Variants in NECAB1 observed in about 807,000 individuals in gnomAD.
The protein encoded by NECAB1 is N-terminal EF-hand calcium-binding protein 1.
NECAB1 carries 29 observed loss-of-function variants against 57.5 expected under a neutral mutation model. The ratio of observed to expected loss-of-function variants is 0.50; its 90% confidence interval spans 0.38 to 0.69. NECAB1 has a LOEUF of 0.69. Among genes scored for constraint, NECAB1 ranks in the 30% least tolerant of loss-of-function variants. NECAB1 has a pLI of 0.00. For synonymous variants in NECAB1, 142 were observed against 147.7 expected (o/e 0.96, Z 0.28); for missense variants, 372 against 413.8 (o/e 0.90, Z 0.88).
rs573016747 is a variant in NECAB1 at position 90,830,103 on chromosome 8, G to A, written c.233+5278G>A. Among the ~76,000 whole-genome samples, 83 of 152,134 alleles carry A rather than the reference G, an allele frequency of 5.5e-4. 2 individuals are homozygous for A. The highest frequency in any genetic ancestry group is 3.4e-3 in the Middle Eastern group (1 of 294). ...AGTTATCTTTTACACTGCTTAAGTG[G>A]ACATACGCTGTGGGCAGTAGAAAAA... is the stretch of plus-strand genomic sequence containing the variant. On this transcript the variant is annotated intron_variant, in intron 3 of 12. Coordinates refer to ENST00000417640, the MANE Select transcript of NECAB1 (RefSeq NM_022351.5).
intron 2 of NECAB1, among the ~76,000 whole-genome samples, chr8:90,818,469 A>C (rs976241081): frequency 1.3e-5 from 2 of 151,998 alleles, no homozygotes; most frequent in Non-Finnish European, 2.9e-5. Flanking sequence ...TTTGAGAAGG[A>C]CTTTATTTCA....
intron 7 of NECAB1, 140 bp from the exon 8 acceptor site, chr8:90,928,083 C>T (rs7006863): frequency 0.083 from 53,709 of 646,724 alleles, 2,620 homozygotes; most frequent in African/African-American, 0.17. Context: ...AGAAAGCACT[C>T]GTGAATACAT....
chr8:90,870,730 G>A (rs1808608612), intron 3 of NECAB1, among the ~76,000 whole-genome samples: 1 of 152,170 alleles, frequency 6.6e-6, no homozygotes, highest in Non-Finnish European at 1.5e-5. Context: ...CTACCTCTAA[G>A]TTGAGATTCT....
Position 90,958,084 on chromosome 8 carries a change from C to A in NECAB1, c.*2572C>A, listed in dbSNP as rs868858916. 7.3e-6 allele frequency: 1 copy of A among 136,420 alleles called. No individual in the cohort carries two copies. The highest frequency in any genetic ancestry group is 7.4e-5 in the Admixed American group (1 of 13,444). 8.5% of individuals were successfully genotyped at this position (136,420 alleles called of 1,614,324 possible). On this transcript the variant is annotated 3_prime_UTR_variant, in exon 13 of 13. Coordinates refer to ENST00000417640, the MANE Select transcript of NECAB1 (RefSeq NM_022351.5). ...TCAGCAGATTTTTCTGGAAGAAACC[C>A]TTTTTTTTTTTTTTTTTAAACAGTA... is the stretch of plus-strand genomic sequence containing the variant.
intron 2 of NECAB1, among the ~76,000 whole-genome samples, chr8:90,803,078 G>T (rs542664829): frequency 6.6e-6 from 1 of 152,172 alleles, no homozygotes; most frequent in East Asian, 1.9e-4. Flanking sequence ...TGTATTTTTA[G>T]TAGTGACAGT....
chr8:90,833,760 G>T (rs971794988), intron 3 of NECAB1, among the ~76,000 whole-genome samples: 1 of 152,124 alleles, frequency 6.6e-6, no homozygotes. Flanking sequence ...TCACTTCGTG[G>T]ACAGTATTTT....
chr8:90,861,535 T>G (rs1489341885), intron 3 of NECAB1, among the ~76,000 whole-genome samples: 1 of 152,034 alleles, frequency 6.6e-6, no homozygotes, highest in Non-Finnish European at 1.5e-5. Context: ...TGGTTAAGAG[T>G]AAAGGAAATG....
chr8:90,854,639 C>T (rs1217707479), intron 3 of NECAB1, among the ~76,000 whole-genome samples: 1 of 152,086 alleles, frequency 6.6e-6, no homozygotes, highest in African/African-American at 2.4e-5. Flanking sequence ...TTACATATAC[C>T]CCTGCCTTGT....
chr8:90,858,957 G>T (rs926269524), intron 3 of NECAB1: 1 of 147,410 alleles, frequency 6.8e-6, no homozygotes, highest in African/African-American at 2.6e-5. Context: ...TCTCATGCCA[G>T]TCAATTGGGC....
intron 3 of NECAB1, among the ~76,000 whole-genome samples, chr8:90,862,833 C>CCCTTATTTTCCCATCTCCAACTCAG (rs1808426881): frequency 1.5e-5 from 1 of 66,742 alleles, no homozygotes; most frequent in South Asian, 4.1e-4. Context: ...CTCCAACTCA[C>CCCTTATTTTCCCATCTCCAACTCAG]ATACAAAGTT....
At chr8:90,918,165 A>G (rs965335888) in intron 6 of NECAB1, among the ~76,000 whole-genome samples, 1 of 150,614 alleles carries the variant, frequency 6.6e-6, no homozygotes, top group African/African-American at 2.4e-5. Flanking sequence ...ACACACCACC[A>G]CGTCCAGCTA....
chr8:90,906,893 A>ATATATATATATATGTATATATATATGTG (rs1285837562), intron 5 of NECAB1, among the ~76,000 whole-genome samples: 5 of 137,526 alleles, frequency 3.6e-5, no homozygotes, highest in East Asian at 4.1e-4. Flanking sequence ...ATATATATAT[A>ATATATATATATATGTATATATATATGTG]TATATATATA....
In NECAB1 at chr8:90,940,821, A is replaced by G; in HGVS notation, c.783A>G (p.Ile261Met). ...IMLVQRQMSV[I>M]EEDLEEFQLA... ...TTGTGCAGCGGCAGATGTCTGTGATAGAAGAGGACCTGGAAGAATTCCAGC... is the reference window on the plus strand; with the variant it reads ...TTGTGCAGCGGCAGATGTCTGTGATGGAAGAGGACCTGGAAGAATTCCAGC... Residue 261 changes from isoleucine (I) to methionine (M), a missense_variant, in exon 10 of 13, where the codon ATA becomes ATG. Coordinates refer to ENST00000417640, the MANE Select transcript of NECAB1 (RefSeq NM_022351.5). The G allele has an allele frequency of 6.4e-7, 1 of 1,564,028 alleles. No homozygotes were observed.
intron 6 of NECAB1, among the ~76,000 whole-genome samples, chr8:90,917,881 T>TGTGC (rs33942093): frequency 0.045 from 5,258 of 117,756 alleles, 702 homozygotes; most frequent in African/African-American, 0.18. Context: ...TGTGTGTGTG[T>TGTGC]GCGTGTATAT....
At chr8:90,794,685 A>G (rs774996303) in intron 1 of NECAB1, among the ~76,000 whole-genome samples, 1 of 152,244 alleles carries the variant, frequency 6.6e-6, no homozygotes, top group Non-Finnish European at 1.5e-5. Flanking sequence ...AATAGTAATC[A>G]CTATGATACT....
At chr8:90,862,806 T>TTCCCTTATTTTCCCATCTCTAACTCA (rs1808425764) in intron 3 of NECAB1, among the ~76,000 whole-genome samples, 1 of 150,334 alleles carries the variant, frequency 6.7e-6, no homozygotes, top group African/African-American at 2.5e-5. Context: ...TACAAAGTAT[T>TTCCCTTATTTTCCCATCTCTAACTCA]TCCCTTATTT....
intron 3 of NECAB1, among the ~76,000 whole-genome samples, chr8:90,863,009 C>T (rs1464714947): frequency 1.3e-5 from 2 of 152,038 alleles, no homozygotes; most frequent in Non-Finnish European, 1.5e-5. Flanking sequence ...CTTCCAGTAA[C>T]ATCAGTATAT....
chr8:90,857,720 T>TA (rs1289040178), intron 3 of NECAB1, among the ~76,000 whole-genome samples: 1 of 152,126 alleles, frequency 6.6e-6, no homozygotes, highest in Non-Finnish European at 1.5e-5. Flanking sequence ...CAACCTCTCC[T>TA]ATATTATCCC....
At chr8:90,812,061 T>G (rs1811969160) in intron 2 of NECAB1, among the ~76,000 whole-genome samples, 1 of 152,200 alleles carries the variant, frequency 6.6e-6, no homozygotes, top group Non-Finnish European at 1.5e-5. Flanking sequence ...GAATAGATGT[T>G]GACCAGGCAA....
Sources: allele counts gnomAD v4.1 joint callset (sites outside exome capture counted in the v4.1 genomes callset), GRCh38; gene constraint gnomAD v4.1.1; transcripts MANE v1.5; gene names NCBI Gene and HGNC (gene_info 2026-07-23, HGNC 2026-07-21).